Variants in SLC14A2 observed in about 807,000 individuals in gnomAD.
SLC14A2 encodes urea transporter 2.
SLC14A2 carries 91 observed loss-of-function variants against 104.6 expected under a neutral mutation model. The observed-to-expected ratio is 0.87, with a 90% confidence interval of 0.73 to 1.04. SLC14A2 has a LOEUF of 1.04. Ranked by LOEUF, SLC14A2 falls within the 50% of genes least tolerant of loss-of-function variation. The pLI is 0.00. For synonymous variants in SLC14A2, 476 were observed against 466.4 expected (o/e 1.02, Z -0.27); for missense variants, 1,189 against 1,156.0 (o/e 1.03, Z -0.41).
rs372611324 is a variant in SLC14A2, at chr18:45,546,613, A to C, written c.-35+63291A>C. Reference sequence around the variant, plus strand: ...AAGTGTATCTTAGCCCTGAAAGGTCAAAGAGCTTAATAGTCAAAGGATTGG... The same window carrying C: ...AAGTGTATCTTAGCCCTGAAAGGTCCAAGAGCTTAATAGTCAAAGGATTGG... On this transcript the variant is annotated intron_variant, in intron 2 of 20. Coordinates refer to the SLC14A2 transcript ENST00000586448. Among the ~76,000 whole-genome samples the C allele has an allele frequency of 2.0e-5, 3 of 152,232 alleles. No homozygotes were observed. The East Asian group carries it at 5.8e-4, about 29-fold the overall frequency.
At chr18:45,326,290 A>T (rs1010658218) in intron 1 of SLC14A2, among the ~76,000 whole-genome samples, 1 of 152,178 alleles carries the variant, frequency 6.6e-6, no homozygotes, top group Non-Finnish European at 1.5e-5. Flanking sequence ...GGTTTTACTC[A>T]TCAGTCCCAA....
the SLC14A2 span, among the ~76,000 whole-genome samples, chr18:45,182,035 G>A: frequency 4.0e-5 from 6 of 151,788 alleles, no homozygotes; most frequent in Non-Finnish European, 8.8e-5. Flanking sequence ...GAGAATCATT[G>A]GCAAATTCAC....
intron 1 of SLC14A2, among the ~76,000 whole-genome samples, chr18:45,396,985 A>G (rs1164199950): frequency 1.3e-5 from 2 of 152,202 alleles, no homozygotes; most frequent in Non-Finnish European, 2.9e-5. Context: ...TGTTTCCACA[A>G]AAGACATGAT....
At chr18:45,370,244 C>A (rs1452870647) in intron 1 of SLC14A2, among the ~76,000 whole-genome samples, 1 of 152,156 alleles carries the variant, frequency 6.6e-6, no homozygotes. Flanking sequence ...GTCTAGCCCC[C>A]ACTTCAACCA....
At chr18:45,606,738 AAAAAAAAAACAAAACAAAAAC>A (rs1161310974) in intron 2 of SLC14A2, among the ~76,000 whole-genome samples, 51 of 71,116 alleles carry the variant, frequency 7.2e-4, no homozygotes, top group African/African-American at 2.7e-3. Flanking sequence ...TCTAATTAAA[AAAAAAAAAACAAAACAAAAAC>A]AAAAAAAAAA....
rs182524856 is a variant in SLC14A2, at chr18:45,667,444, G to C, written c.1717+350G>C. On this transcript the variant is annotated intron_variant, in intron 13 of 19. Transcript: ENST00000255226. Reference sequence around the variant, plus strand: ...AACGCCATCTGGATGGTTCATGGGAGAACTGTGTCTACCATGCCAATAGGT... The same window carrying C: ...AACGCCATCTGGATGGTTCATGGGACAACTGTGTCTACCATGCCAATAGGT... 4.5e-4 allele frequency among the ~76,000 whole-genome samples: 69 copies of C among 152,304 alleles called. No homozygotes were observed. The East Asian group carries it at 9.4e-3, about 21-fold the overall frequency.
At chr18:45,209,757 C>T (rs186319986), upstream of SLC14A2, among the ~76,000 whole-genome samples, 4 of 152,188 alleles carry the variant, frequency 2.6e-5, no homozygotes, top group African/African-American at 4.8e-5. Flanking sequence ...GGGAAAGAAT[C>T]GAGACAGCTA....
At chr18:45,458,558 T>C (rs2086986143) in intron 1 of SLC14A2, among the ~76,000 whole-genome samples, 1 of 152,192 alleles carries the variant, frequency 6.6e-6, no homozygotes, top group Non-Finnish European at 1.5e-5. Flanking sequence ...CTTGAAATGA[T>C]TAGCTATTGA....
Position 45,624,728 on chromosome 18 carries a change from G to A in SLC14A2, c.64G>A (p.Glu22Lys), listed in dbSNP as rs768232144. The A allele has an allele frequency of 3.6e-5, 58 of 1,613,352 alleles. No individual in the cohort carries two copies. The highest frequency in any genetic ancestry group is 8.0e-5 in the African/African-American group (6 of 74,906). Residue 22 changes from glutamate to lysine, a missense_variant, in exon 2 of 20, where the codon GAG (glutamate) becomes AAG (lysine). Physicochemically the swap from Glu to Lys is moderately conservative, Grantham distance 56. Coordinates refer to ENST00000255226, the MANE Select transcript of SLC14A2 (RefSeq NM_007163.4). ...EPLSSRYKLY[E>K]AEFTSPSWPS... ...ACTTTCCAGCAGATACAAACTCTAC[G>A]AGGCAGAGTTTACCAGCCCGAGCTG...
intron 2 of SLC14A2, among the ~76,000 whole-genome samples, chr18:45,555,807 A>G (rs963161847): frequency 6.6e-6 from 1 of 152,240 alleles, no homozygotes; most frequent in Non-Finnish European, 1.5e-5. Flanking sequence ...TTAAAGAAAC[A>G]GCAAGGAAAA....
intron 1 of SLC14A2, among the ~76,000 whole-genome samples, chr18:45,473,173 G>A (rs2087284769): frequency 1.3e-5 from 2 of 152,232 alleles, no homozygotes; most frequent in African/African-American, 4.8e-5. Flanking sequence ...GTTTGTCAAA[G>A]ATCAGATGGT....
At chr18:45,663,184 C>T (rs577529615) in intron 10 of SLC14A2, among the ~76,000 whole-genome samples, 12 of 152,260 alleles carry the variant, frequency 7.9e-5, no homozygotes, top group Middle Eastern at 3.4e-3. Flanking sequence ...TGGTTAAGGC[C>T]TGAGATTCTG....
chr18:45,614,853 A>C (rs2045034341), upstream of SLC14A2: 1 of 141,642 alleles, frequency 7.1e-6, no homozygotes, highest in Non-Finnish European at 1.5e-5. Flanking sequence ...GCTGGAGTAC[A>C]TTGGCACTAT....
intron 1 of SLC14A2, among the ~76,000 whole-genome samples, chr18:45,265,297 C>T (rs116102057): frequency 0.013 from 1,974 of 152,164 alleles, 48 homozygotes; most frequent in African/African-American, 0.045. Context: ...CCAAGACCAA[C>T]GGGCAGAATT....
intron 2 of SLC14A2, among the ~76,000 whole-genome samples, chr18:45,582,381 A>G (rs565713608): frequency 6.6e-6 from 1 of 152,332 alleles, no homozygotes; most frequent in South Asian, 2.1e-4. Context: ...TTTAGGACTT[A>G]GTATTCAGAC....
At chr18:45,658,035 A>G (rs80172939) in intron 10 of SLC14A2, among the ~76,000 whole-genome samples, 1 of 150,448 alleles carries the variant, frequency 6.6e-6, no homozygotes, top group Non-Finnish European at 1.5e-5. Flanking sequence ...CTGGTTGTAG[A>G]AAAAAAAAAG....
intron 1 of SLC14A2, among the ~76,000 whole-genome samples, chr18:45,238,414 TGGCA>T (rs2084277843): frequency 6.6e-6 from 1 of 152,208 alleles, no homozygotes; most frequent in African/African-American, 2.4e-5. Context: ...AAAGGTAAGA[TGGCA>T]GCACACTGTT....
At chr18:45,628,000 C>CAAAAAAAAAAAAA (rs58009345) in intron 4 of SLC14A2, among the ~76,000 whole-genome samples, 1 of 83,620 alleles carries the variant, frequency 1.2e-5, no homozygotes, top group African/African-American at 4.4e-5. Flanking sequence ...AAGACTTTCT[C>CAAAAAAAAAAAAA]AAAAAAAAAA....
At chr18:45,568,673 G>A (rs1477203326) in intron 2 of SLC14A2, among the ~76,000 whole-genome samples, 3 of 152,198 alleles carry the variant, frequency 2.0e-5, no homozygotes, top group Non-Finnish European at 4.4e-5. Flanking sequence ...CCTGCCTGAT[G>A]AGCAGCCCTT....
Sources: allele counts gnomAD v4.1 joint callset (sites outside exome capture counted in the v4.1 genomes callset), GRCh38; gene constraint gnomAD v4.1.1; transcripts MANE v1.5; gene names NCBI Gene and HGNC (gene_info 2026-07-23, HGNC 2026-07-21).